The following SAV1 variants were observed in gnomAD, a reference collection of about 807,000 sequenced individuals.
SAV1 encodes the protein salvador family WW domain containing protein 1.
SAV1 carries 23 observed loss-of-function variants against 47.3 expected under a neutral mutation model. That is an observed-to-expected ratio of 0.49 (90% CI 0.35 to 0.69). SAV1 has a LOEUF of 0.69. Among genes scored for constraint, SAV1 ranks in the 30% least tolerant of loss-of-function variants. The pLI is 0.01. For missense variants in SAV1, 448 were observed against 457.4 expected (o/e 0.98, Z 0.19); for synonymous variants, 155 against 159.2 (o/e 0.97, Z 0.20).
chr14:50,646,685 C>CAAAAAAAA (rs78772724), intron 2 of SAV1, among the ~76,000 whole-genome samples: 1 of 76,318 alleles, frequency 1.3e-5, no homozygotes, highest in African/African-American at 4.5e-5. Context: ...AACTCTGTCT[C>CAAAAAAAA]AAAAAAAAAA....
chr14:50,641,710 A>G (rs1223562579), intron 3 of SAV1, among the ~76,000 whole-genome samples: 2 of 152,212 alleles, frequency 1.3e-5, no homozygotes, highest in African/African-American at 4.8e-5. Context: ...GTCAAAAAAT[A>G]ACAGATGCTG....
At chr14:50,658,053 C>A (rs1234779860) in intron 2 of SAV1, among the ~76,000 whole-genome samples, 1 of 152,130 alleles carries the variant, frequency 6.6e-6, no homozygotes, top group Non-Finnish European at 1.5e-5. Flanking sequence ...GTGTTATAAT[C>A]AAGATGTTGA....
At chr14:50,647,360 C>G (rs1234168913) in intron 2 of SAV1, among the ~76,000 whole-genome samples, 2 of 152,088 alleles carry the variant, frequency 1.3e-5, no homozygotes, top group Non-Finnish European at 2.9e-5. Context: ...GAACTCTGAC[C>G]TAGAATATAC....
intron 3 of SAV1, among the ~76,000 whole-genome samples, chr14:50,641,994 G>C (rs1380616700): frequency 1.3e-5 from 2 of 152,176 alleles, no homozygotes; most frequent in Non-Finnish European, 2.9e-5. Context: ...TAAAGAAAAT[G>C]TGGTATGCAG....
At chr14:50,666,872 C>T (rs2039906029) in intron 1 of SAV1, among the ~76,000 whole-genome samples, 1 of 151,918 alleles carries the variant, frequency 6.6e-6, no homozygotes, top group African/African-American at 2.4e-5. Context: ...GCAAGTACCA[C>T]CATAAATCTG....
In SAV1 at chr14:50,645,018, C is replaced by T. The variant is rs775532041; in HGVS notation, c.536-4G>A. 13 of 1,600,674 alleles carry T rather than the reference C, an allele frequency of 8.1e-6. No individual in the cohort carries two copies. Among genetic ancestry groups the T allele is most frequent in the East Asian group, 6.7e-5 (3 of 44,828 alleles). The stretch of plus-strand genomic sequence containing the variant: ...GTAGCAGCAACTCTCCCAATACCTA[C>T]GGGGAAAGAGAAAATGATAGAGAAG... On this transcript the variant is annotated splice_polypyrimidine_tract_variant and splice_region_variant and intron_variant, in intron 2 of 4. Coordinates refer to ENST00000324679, the MANE Select transcript of SAV1 (RefSeq NM_021818.4).
intron 2 of SAV1, among the ~76,000 whole-genome samples, chr14:50,650,155 G>A (rs1244970612): frequency 1.3e-5 from 2 of 152,186 alleles, no homozygotes; most frequent in Non-Finnish European, 2.9e-5. Flanking sequence ...CGGGTTATTG[G>A]CATGTGGTTT....
Position 50,668,109 on chromosome 14 carries a change from G to A in SAV1, c.-142C>T, listed in dbSNP as rs1379618076. On this transcript the variant is annotated 5_prime_UTR_variant, in exon 1 of 5. Transcript: ENST00000324679. ...CCGCCTCCGCCGCCGCCTGTCCGGA[G>A]CCCGGGGTCGCCCGCAGGGACTGCC... is the stretch of plus-strand genomic sequence containing the variant. The A allele has an allele frequency of 9.7e-6, 4 of 414,412 alleles. No individual in the cohort carries two copies. Among genetic ancestry groups the A allele is most frequent in the East Asian group, 4.5e-5 (1 of 22,188 alleles). 25.7% of individuals were successfully genotyped at this position (414,412 alleles called of 1,614,324 possible).
chr14:50,666,652 TAAA>T (rs1292725298), intron 1 of SAV1, among the ~76,000 whole-genome samples: 3 of 151,846 alleles, frequency 2.0e-5, no homozygotes, highest in Non-Finnish European at 4.4e-5. Flanking sequence ...TAAAGTATAA[TAAA>T]AAGTGTGACA....
intron 2 of SAV1, among the ~76,000 whole-genome samples, chr14:50,646,613 G>C (rs1198553627): frequency 1.3e-5 from 2 of 149,096 alleles, no homozygotes; most frequent in African/African-American, 2.5e-5. Flanking sequence ...TTGAACCCGA[G>C]AGCAGAGGTT....
intron 1 of SAV1, chr14:50,667,579 ACT>A (rs1273862090): frequency 1.6e-5 from 8 of 484,930 alleles, no homozygotes; most frequent in Non-Finnish European, 2.7e-5. Flanking sequence ...AATGTTTCCT[ACT>A]CTCTCTTCCA....
At chr14:50,662,192 G>A (rs750526930) in intron 2 of SAV1, among the ~76,000 whole-genome samples, 9 of 151,408 alleles carry the variant, frequency 5.9e-5, no homozygotes, top group East Asian at 1.9e-4. Context: ...ATTTTGAGAC[G>A]GAGTCTCACT....
chr14:50,667,947 G>C lies in SAV1; in HGVS notation c.21C>G (p.Thr7=). ...CGGCCGGCTTGGACACTTCGTTTTT[G>C]GTTTTCTTTCGGGACAGCATCCTTC... The part of the protein sequence containing the change: MLSRKK[T]KNEVSKPAEV... The change falls in exon 1 of 5, where the codon ACC becomes ACG. Residue 7 remains threonine (T), a synonymous_variant. Coordinates refer to ENST00000324679, the MANE Select transcript of SAV1 (RefSeq NM_021818.4). 6.2e-7 allele frequency: 1 copy of C among 1,611,780 alleles called. No homozygotes were observed. The highest frequency in any genetic ancestry group is 1.3e-5 in the African/African-American group (1 of 74,918).
chr14:50,655,803 T>TG (rs1433125768), intron 2 of SAV1, among the ~76,000 whole-genome samples: 1 of 151,284 alleles, frequency 6.6e-6, no homozygotes, highest in Non-Finnish European at 1.5e-5. Context: ...ATCCCAGCAC[T>TG]GGGGGGCCGA....
rs1271689657 is a variant in SAV1 at position 50,634,982 on chromosome 14, G to C, written c.*201C>G. The C allele has an allele frequency of 2.5e-5, 14 of 561,078 alleles. No homozygotes were observed. The highest frequency in any genetic ancestry group is 4.4e-5 in the Non-Finnish European group (14 of 318,294). The allele number at this position is 561,078 out of a possible 1,614,324, so 34.8% of individuals were successfully genotyped here. ...TAATATACAGTATTTGAAAGTGTTT[G>C]CCATATTGGCTCTTAAAATGATAGA... On this transcript the variant is annotated 3_prime_UTR_variant, in exon 5 of 5. Transcript: ENST00000324679.
In SAV1 at chr14:50,635,220, T is replaced by A; in HGVS notation, c.1115A>T (p.Gln372Leu). ...TCCATGTTGTTGGGCATACCACTGC[T>A]GTCTCTGCTTTCGGTTTTCCAACTC... ...LTELENRKQR[Q>L]QWYAQQHGKN... Residue 372 changes from glutamine (Q) to leucine (L), a missense_variant, in exon 5 of 5, where the codon CAG becomes CTG. By Grantham distance (113) the Gln-to-Leu change is moderately radical. Transcript: ENST00000324679. The A allele has an allele frequency of 1.2e-6, 2 of 1,614,198 alleles. No individual in the cohort carries two copies. The highest frequency in any genetic ancestry group is 1.7e-6 in the Non-Finnish European group (2 of 1,180,026).
intron 2 of SAV1, among the ~76,000 whole-genome samples, chr14:50,653,818 G>A (rs951805517): frequency 4.0e-5 from 6 of 151,018 alleles, no homozygotes; most frequent in East Asian, 1.9e-4. Context: ...GCAGTGAGCC[G>A]AGATCATGCC....
In SAV1 at chr14:50,644,753, C is replaced by T; in HGVS notation, c.797G>A (p.Cys266Tyr). ...AAAGTTGATACTGTACCTAGGAGCA[C>T]AGGGATGCCTGTATTGGGCCTTCTT... Reference protein sequence around the residue: ...TNKKAQYRHPCAPSVPRYDQP... With the variant: ...TNKKAQYRHPYAPSVPRYDQP... Residue 266 changes from cysteine (C) to tyrosine (Y), a missense_variant, in exon 3 of 5, where the codon TGT (cysteine) becomes TAT (tyrosine). Physicochemically the swap from Cys to Tyr is radical, Grantham distance 194 (BLOSUM62 -2). Transcript: ENST00000324679. The T allele has an allele frequency of 6.2e-7, 1 of 1,613,682 alleles. No homozygotes were observed. Among genetic ancestry groups the T allele is most frequent in the Non-Finnish European group, 8.5e-7 (1 of 1,179,688 alleles).
chr14:50,645,231 G>C (rs935424350), intron 2 of SAV1, among the ~76,000 whole-genome samples: 7 of 152,028 alleles, frequency 4.6e-5, no homozygotes, highest in African/African-American at 1.7e-4. Flanking sequence ...TTAGTAGAGG[G>C]TTTTTTGGCT....
Sources: allele counts gnomAD v4.1 joint callset (sites outside exome capture counted in the v4.1 genomes callset), GRCh38; gene constraint gnomAD v4.1.1; transcripts MANE v1.5; gene names NCBI Gene and HGNC (gene_info 2026-07-23, HGNC 2026-07-21).